The following MECR variants were observed in gnomAD, a reference collection of about 807,000 sequenced individuals.
The protein encoded by MECR is enoyl-[acyl-carrier-protein] reductase, mitochondrial.
A neutral mutation model predicts 49.1 loss-of-function variants in MECR; 37 were observed. The ratio of observed to expected loss-of-function variants is 0.75; its 90% CI spans 0.58 to 0.99. MECR has a LOEUF of 0.99. Ranked by LOEUF, MECR falls within the 50% of genes least tolerant of loss-of-function variation. The pLI, the probability that MECR is intolerant of heterozygous loss-of-function variation, is 0.00. For synonymous variants in MECR, 198 were observed against 191.1 expected, an observed-to-expected ratio of 1.04 and a Z score of -0.30; for missense variants, 470 against 479.6, an observed-to-expected ratio of 0.98 and a Z score of 0.19.
chr1:29,202,757 G>A (rs552387408), intron 5 of MECR, among the ~76,000 whole-genome samples: 1 of 152,248 alleles, frequency 6.6e-6, no homozygotes, highest in Non-Finnish European at 1.5e-5. Flanking sequence ...AAGGGTAAAG[G>A]GGCCTTGGGT....
intron 1 of MECR, among the ~76,000 whole-genome samples, chr1:29,227,469 C>A (rs1480597303): frequency 6.6e-6 from 1 of 152,160 alleles, no homozygotes; most frequent in Non-Finnish European, 1.5e-5. Context: ...AGAAACTAAG[C>A]AACAGGGGAA....
chr1:29,216,794 G>A, intron 1 of MECR, 109 bp from the exon 2 acceptor site: 1 of 1,580,598 alleles, frequency 6.3e-7, no homozygotes, highest in Non-Finnish European at 8.6e-7. Context: ...GCTGCCATGT[G>A]TGCCCAGGAA....
chr1:29,220,037 C>T (rs1002364289), intron 1 of MECR, among the ~76,000 whole-genome samples: 1 of 152,050 alleles, frequency 6.6e-6, no homozygotes, highest in Non-Finnish European at 1.5e-5. Context: ...TTAGTCTTAA[C>T]TCACTGTTGA....
chr1:29,207,994 CAT>C lies in MECR; in HGVS notation c.407-1091_407-1090del, dbSNP rs747876867. ...TTCTCATCCAGAGCAGGTTGACTCA[CAT>C]GTTTTTTTTTTTTAAGATGAAGTCT... is the stretch of plus-strand genomic sequence containing the variant. On this transcript the variant is annotated intron_variant, in intron 3 of 9. Transcript: ENST00000263702. Among the ~76,000 whole-genome samples the C allele has an allele frequency of 3.3e-5, 5 of 151,822 alleles. 1 individual carries two copies. Among genetic ancestry groups the C allele is most frequent in the African/African-American group, 4.8e-5 (2 of 41,330 alleles).
chr1:29,212,811 C>T (rs1373608015), intron 3 of MECR, among the ~76,000 whole-genome samples: 2 of 152,216 alleles, frequency 1.3e-5, no homozygotes, highest in South Asian at 2.1e-4. Flanking sequence ...GATGCAGGAC[C>T]GCTGGGACCC....
chr1:29,215,723 T>C (rs1443955769), intron 3 of MECR, among the ~76,000 whole-genome samples: 2 of 151,116 alleles, frequency 1.3e-5, no homozygotes, highest in Non-Finnish European at 2.9e-5. Flanking sequence ...ATACAAAAAT[T>C]AGCCGGGCGT....
chr1:29,181,705 G>A, the MECR span: 5 of 1,596,116 alleles, frequency 3.1e-6, no homozygotes, highest in Non-Finnish European at 4.3e-6. Context: ...GCTCCACATC[G>A]CGCTCCCGGG....
intron 1 of MECR, among the ~76,000 whole-genome samples, chr1:29,220,220 G>A (rs1417722538): frequency 6.6e-5 from 8 of 121,480 alleles, no homozygotes; most frequent in Non-Finnish European, 1.4e-4. Context: ...GCGAAACCCC[G>A]TCTCTACTAA....
intron 1 of MECR, chr1:29,220,595 T>C (rs1384551724): frequency 6.6e-6 from 1 of 152,216 alleles, no homozygotes; most frequent in Non-Finnish European, 1.5e-5. Context: ...GCAGTGACAC[T>C]GCACTTCTTA....
intron 1 of MECR, among the ~76,000 whole-genome samples, chr1:29,220,004 A>G (rs1351916667): frequency 6.6e-6 from 1 of 152,102 alleles, no homozygotes; most frequent in Non-Finnish European, 1.5e-5. Flanking sequence ...TTAGACTGTG[A>G]GCTCCCAGAG....
Position 29,196,211 on chromosome 1 carries a change from A to T in MECR, c.878T>A (p.Val293Asp), listed in dbSNP as rs749114490. 1 of 1,614,188 alleles carries T rather than the reference A, an allele frequency of 6.2e-7. No homozygotes were observed. Among genetic ancestry groups the T allele is most frequent in the Non-Finnish European group, 8.5e-7 (1 of 1,180,038 alleles). The change falls in exon 8 of 10, where the codon GTC (valine) becomes GAC (aspartate). Residue 293 changes from valine (V) to aspartate (D), a missense_variant. Transcript: ENST00000263702. ...VTYGGMAKQP[V>D]VASVSLLIFK... ...CACCCAGCTTACCACAGAGGCTACG[A>T]CGGGCTGCTTGGCCATCCCCCCATA...
At chr1:29,197,162 C>T (rs959913176) in intron 7 of MECR, among the ~76,000 whole-genome samples, 4 of 152,202 alleles carry the variant, frequency 2.6e-5, no homozygotes, top group Non-Finnish European at 5.9e-5. Flanking sequence ...CCCATCCAGT[C>T]AGGCTTTGAT....
At chr1:29,204,995 G>A (rs931725214) in intron 4 of MECR, among the ~76,000 whole-genome samples, 1 of 152,224 alleles carries the variant, frequency 6.6e-6, no homozygotes, top group Non-Finnish European at 1.5e-5. Flanking sequence ...CAGTTTCTTC[G>A]CTGGTATGAG....
chr1:29,171,663 C>T, the MECR span: 23 of 152,040 alleles, frequency 1.5e-4, no homozygotes, highest in Admixed American at 2.6e-4. Flanking sequence ...GGTATTCTCT[C>T]AGATGCCTGG....
At chr1:29,214,599 T>G (rs1678890419) in intron 3 of MECR, among the ~76,000 whole-genome samples, 1 of 698 alleles carries the variant, frequency 1.4e-3, no homozygotes, top group African/African-American at 1.7e-3. Flanking sequence ...TGATCTCAGG[T>G]GATCCACCAC....
At chr1:29,227,715 G>A (rs1038878877) in intron 1 of MECR, among the ~76,000 whole-genome samples, 1 of 152,208 alleles carries the variant, frequency 6.6e-6, no homozygotes, top group Non-Finnish European at 1.5e-5. Context: ...CCTACCTGGT[G>A]TAACCTGACC....
At chr1:29,189,687 G>C (rs924588983), downstream of MECR, among the ~76,000 whole-genome samples, 6 of 152,154 alleles carry the variant, frequency 3.9e-5, no homozygotes, top group African/African-American at 1.4e-4. Flanking sequence ...TTACCTACCT[G>C]AAATTCAGAA....
chr1:29,216,670 C>A lies in MECR; in HGVS notation c.192G>T (p.Glu64Asp). 9 of 1,614,236 alleles carry A rather than the reference C, an allele frequency of 5.6e-6. No homozygotes were observed. The highest frequency in any genetic ancestry group is 7.6e-6 in the Non-Finnish European group (9 of 1,180,042). ...CATCTGATCCTCTCACAGCAGCTAG[C>A]TCCAGGTTCTTGAGTCTAAGCACAA... ...PAKVVELKNL[E>D]LAAVRGSDVR... is the part of the protein sequence containing the mutation. The change falls in exon 2 of 10, where the codon GAG (glutamate) becomes GAT (aspartate). Residue 64 changes from glutamate to aspartate, a missense_variant. Coordinates refer to ENST00000263702, the MANE Select transcript of MECR (RefSeq NM_016011.5).
downstream of MECR, among the ~76,000 whole-genome samples, chr1:29,192,014 C>T (rs866031220): frequency 3.9e-5 from 6 of 152,258 alleles, no homozygotes; most frequent in South Asian, 1.0e-3. Flanking sequence ...ATCGCTTGAA[C>T]CCAGGAGGTT....
Sources: gnomAD v4.1 joint callset for allele counts (sites outside exome capture counted in the v4.1 genomes callset) on GRCh38, gnomAD v4.1.1 for gene constraint, MANE v1.5 for transcripts, NCBI Gene and HGNC (gene_info 2026-07-23, HGNC 2026-07-21) for gene names.